The following CADM2 variants were observed in gnomAD, a reference collection of about 807,000 sequenced individuals.
The protein encoded by CADM2 is immunoglobulin superfamily member 4D.
In CADM2, 12 loss-of-function variants were observed where a neutral mutation model predicts 49.8. The ratio of observed to expected loss-of-function variants is 0.24; its 90% CI spans 0.15 to 0.39. CADM2 has a LOEUF of 0.39. Ranked by LOEUF, CADM2 falls within the 10% of genes least tolerant of loss-of-function variation. The pLI, the probability that CADM2 is intolerant of heterozygous loss-of-function variation, is 1.00. For missense variants in CADM2, 378 were observed against 492.3 expected (o/e 0.77, Z 2.20); for synonymous variants, 214 against 175.4 (o/e 1.22, Z -1.74).
chr3:85,765,791 A>G (rs544110230), intron 2 of CADM2, among the ~76,000 whole-genome samples: 12 of 152,140 alleles, frequency 7.9e-5, no homozygotes, highest in African/African-American at 2.6e-4. Flanking sequence ...GACTAAGAAA[A>G]TGTCCTGTGT....
chr3:85,406,367 C>T (rs574209082), intron 1 of CADM2, among the ~76,000 whole-genome samples: 1 of 152,022 alleles, frequency 6.6e-6, no homozygotes, highest in Admixed American at 6.6e-5. Context: ...GAAAAAAATT[C>T]TATAAAATTA....
intron 5 of CADM2, among the ~76,000 whole-genome samples, chr3:85,895,038 T>C (rs111773875): frequency 6.6e-6 from 1 of 152,226 alleles, no homozygotes; most frequent in South Asian, 2.1e-4. Flanking sequence ...CACTGCCTAG[T>C]GGAGCTGTGA....
intron 1 of CADM2, among the ~76,000 whole-genome samples, chr3:85,327,146 T>C (rs1320725382): frequency 6.6e-6 from 1 of 152,096 alleles, no homozygotes; most frequent in East Asian, 1.9e-4. Context: ...GAGAATTCTA[T>C]CCTACAATTC....
rs1169876121 is a variant in CADM2, at chr3:84,959,255, A to G, written c.-353A>G. Reference sequence around the variant, plus strand: ...CCCGCACCTTCTCCAACACCCCGGCATCCCTGCACCACCTGCTCGGGCAGC... The same window carrying G: ...CCCGCACCTTCTCCAACACCCCGGCGTCCCTGCACCACCTGCTCGGGCAGC... On this transcript the variant is annotated 5_prime_UTR_variant, in exon 1 of 10. Coordinates refer to ENST00000383699, the MANE Select transcript of CADM2 (RefSeq NM_001167675.2). 3 of 403,726 alleles carry G rather than the reference A, an allele frequency of 7.4e-6. No individual in the cohort carries two copies. The highest frequency in any genetic ancestry group is 6.3e-5 in the African/African-American group (3 of 47,662). The allele number at this position is 403,726 out of a possible 1,614,324, so 25.0% of individuals were successfully genotyped here. A position where few individuals can be genotyped will look rare whatever the true frequency, so the allele number is the denominator to read the frequency against.
chr3:85,891,270 C>A (rs957553256), intron 5 of CADM2, among the ~76,000 whole-genome samples: 9 of 152,158 alleles, frequency 5.9e-5, no homozygotes, highest in Admixed American at 5.9e-4. Context: ...TAAGAGCTTA[C>A]ATTTACATTA....
At chr3:85,359,487 C>G (rs1402919896) in intron 1 of CADM2, among the ~76,000 whole-genome samples, 1 of 150,090 alleles carries the variant, frequency 6.7e-6, no homozygotes, top group Non-Finnish European at 1.5e-5. Context: ...ACTCTTTGAC[C>G]AAGTTGTGTG....
chr3:85,635,900 G>C (rs1351512372), intron 1 of CADM2, among the ~76,000 whole-genome samples: 2 of 152,128 alleles, frequency 1.3e-5, no homozygotes. Context: ...TTGCTCCGTA[G>C]TGTTGCAGCC....
At chr3:85,073,015 G>A (rs183954858) in intron 1 of CADM2, among the ~76,000 whole-genome samples, 2 of 151,982 alleles carry the variant, frequency 1.3e-5, no homozygotes, top group African/African-American at 4.8e-5. Context: ...GTTTTTCATT[G>A]TAAGACTCTA....
intron 8 of CADM2, among the ~76,000 whole-genome samples, chr3:86,050,078 G>T (rs1416979372): frequency 6.6e-6 from 1 of 152,128 alleles, no homozygotes; most frequent in Non-Finnish European, 1.5e-5. Flanking sequence ...CTGCCTATGA[G>T]CCTATAAAAT....
At chr3:85,667,987 A>T (rs948198590) in intron 1 of CADM2, among the ~76,000 whole-genome samples, 1 of 152,082 alleles carries the variant, frequency 6.6e-6, no homozygotes, top group Admixed American at 6.6e-5. Context: ...AGGCTAATTT[A>T]ACCTAAATAC....
intron 1 of CADM2, among the ~76,000 whole-genome samples, chr3:85,143,130 TA>T (rs1479512453): frequency 1.3e-5 from 2 of 152,120 alleles, no homozygotes; most frequent in Admixed American, 1.3e-4. Context: ...GAAAACTTTT[TA>T]AAAAGTATTT....
At chr3:85,241,697 A>C (rs1434247556) in intron 1 of CADM2, among the ~76,000 whole-genome samples, 2 of 151,594 alleles carry the variant, frequency 1.3e-5, no homozygotes, top group East Asian at 1.9e-4. Context: ...TAAAATCTTT[A>C]TTTGTATATT....
At chr3:85,179,548 T>G (rs2040872648) in intron 1 of CADM2, among the ~76,000 whole-genome samples, 1 of 152,034 alleles carries the variant, frequency 6.6e-6, no homozygotes, top group Admixed American at 6.6e-5. Flanking sequence ...TTTTCTACAT[T>G]ATCTCTTTTC....
At chr3:85,371,670 T>TGTGTGG (rs1322049231) in intron 1 of CADM2, among the ~76,000 whole-genome samples, 2 of 105,128 alleles carry the variant, frequency 1.9e-5, no homozygotes, top group African/African-American at 8.5e-5. Flanking sequence ...TATGTGTGTG[T>TGTGTGG]GTGTGTGTAT....
chr3:85,057,750 T>A (rs2036141374), intron 1 of CADM2, among the ~76,000 whole-genome samples: 1 of 152,186 alleles, frequency 6.6e-6, no homozygotes, highest in Non-Finnish European at 1.5e-5. Context: ...AGTAAATTGC[T>A]GCCACTGATG....
intron 1 of CADM2, among the ~76,000 whole-genome samples, chr3:85,088,772 T>C (rs981455997): frequency 1.3e-5 from 2 of 152,166 alleles, no homozygotes; most frequent in African/African-American, 2.4e-5. Context: ...GAAAGAAAGA[T>C]ATTATTTCTT....
At chr3:85,084,061 T>G (rs1393765683) in intron 1 of CADM2, among the ~76,000 whole-genome samples, 1 of 152,160 alleles carries the variant, frequency 6.6e-6, no homozygotes, top group Non-Finnish European at 1.5e-5. Flanking sequence ...AGTTCTCAGT[T>G]TTGAAATAAG....
chr3:85,112,128 G>C (rs2038481241), intron 1 of CADM2, among the ~76,000 whole-genome samples: 3 of 151,822 alleles, frequency 2.0e-5, no homozygotes, highest in Admixed American at 2.0e-4. Context: ...GGTGCAAAAA[G>C]TGTTGTTGAT....
chr3:85,441,145 T>C (rs1011343974), intron 1 of CADM2, among the ~76,000 whole-genome samples: 13 of 152,058 alleles, frequency 8.5e-5, no homozygotes, highest in African/African-American at 2.9e-4. Flanking sequence ...AGTGTTTTCA[T>C]GCCTGGATTT....
Sources: gnomAD v4.1 joint callset for allele counts (sites outside exome capture counted in the v4.1 genomes callset) on GRCh38, gnomAD v4.1.1 for gene constraint, MANE v1.5 for transcripts, NCBI Gene and HGNC (gene_info 2026-07-23, HGNC 2026-07-21) for gene names.